Variants in CDH6 observed in about 807,000 individuals in gnomAD.
CDH6 encodes the protein cadherin 6.
A neutral mutation model predicts 78.0 loss-of-function variants in CDH6; 31 were observed. The ratio of observed to expected loss-of-function variants is 0.40; its 90% CI spans 0.30 to 0.54. CDH6 has a LOEUF of 0.54. Ranked by LOEUF, CDH6 falls within the 20% of genes least tolerant of loss-of-function variation. The pLI is 0.56. For synonymous variants in CDH6, 376 were observed against 368.8 expected (o/e 1.02, Z -0.23); for missense variants, 724 against 975.9 (o/e 0.74, Z 3.44).
intron 2 of CDH6, among the ~76,000 whole-genome samples, chr5:31,292,883 T>TATATA (rs1737448014): frequency 7.1e-6 from 1 of 141,084 alleles, no homozygotes; most frequent in African/African-American, 2.8e-5. Context: ...ATGTATGTGT[T>TATATA]TGTGTATATA....
rs1738033246 is a variant in CDH6 at position 31,307,973 on chromosome 5, A to T, written c.1253+2546A>T. On this transcript the variant is annotated intron_variant, in intron 7 of 11. Transcript: ENST00000265071. ...CCTTTCCTTGGTACATATGGATTTG[A>T]TACGTAGATATAGATTTAAGACTAG... Among the ~76,000 whole-genome samples, 6 of 152,278 alleles carry T rather than the reference A, an allele frequency of 3.9e-5. No homozygotes were observed. The South Asian group carries it at 1.0e-3, about 26-fold the overall frequency.
intron 1 of CDH6, among the ~76,000 whole-genome samples, chr5:31,231,139 A>C (rs1386725095): frequency 1.3e-5 from 2 of 152,170 alleles, no homozygotes; most frequent in African/African-American, 2.4e-5. Flanking sequence ...GCCTATAATG[A>C]TTTAGAGGCC....
At chr5:31,299,723 C>A in intron 5 of CDH6, 92 bp downstream of exon 5, 1 of 1,117,468 alleles carries the variant, frequency 8.9e-7, no homozygotes, top group Non-Finnish European at 1.3e-6. Context: ...TCATTATTGT[C>A]AAAGTTAGTG....
Position 31,313,301 on chromosome 5 carries a change from C to A in CDH6, c.1254-17C>A. The A allele has an allele frequency of 6.2e-7, 1 of 1,601,554 alleles. No individual in the cohort carries two copies. The highest frequency in any genetic ancestry group is 1.1e-5 in the South Asian group (1 of 90,220). On this transcript the variant is annotated splice_polypyrimidine_tract_variant and intron_variant, in intron 7 of 11. Coordinates refer to ENST00000265071, the MANE Select transcript of CDH6 (RefSeq NM_004932.4). ...ATAGAAAGAAAAGCCTTTCTTAATT[C>A]CACTCTGCATTTTCAGGTACTCTGT... is the stretch of plus-strand genomic sequence containing the variant.
chr5:31,312,153 T>C (rs1364500015), intron 7 of CDH6, among the ~76,000 whole-genome samples: 1 of 152,178 alleles, frequency 6.6e-6, no homozygotes, highest in Non-Finnish European at 1.5e-5. Flanking sequence ...GGACATTGTT[T>C]TCTTAGACAG....
intron 11 of CDH6, chr5:31,318,937 C>G (rs80232514): frequency 9.0e-6 from 2 of 222,410 alleles, no homozygotes; most frequent in East Asian, 6.5e-5. Flanking sequence ...ATAACAGAAG[C>G]CTTGAAACTC....
Position 31,323,973 on chromosome 5 carries a change from T to C in CDH6, c.*665T>C, listed in dbSNP as rs1738549431. On this transcript the variant is annotated 3_prime_UTR_variant, in exon 12 of 12. Coordinates refer to ENST00000265071, the MANE Select transcript of CDH6 (RefSeq NM_004932.4). ...CCTAGTACGACTTCATTCCTTCCAC[T>C]AACTCATAGTTTGTTATATCCTAGA... 1 of 227,780 alleles carries C rather than the reference T, an allele frequency of 4.4e-6. No individual in the cohort carries two copies. The highest frequency in any genetic ancestry group is 2.2e-5 in the African/African-American group (1 of 45,112). 14.1% of individuals were successfully genotyped at this position (227,780 alleles called of 1,614,324 possible).
intron 1 of CDH6, among the ~76,000 whole-genome samples, chr5:31,264,295 TAAC>T (rs1298872600): frequency 6.6e-6 from 1 of 152,222 alleles, no homozygotes; most frequent in Non-Finnish European, 1.5e-5. Flanking sequence ...CAAATGAGAA[TAAC>T]AACAATAATT....
intron 1 of CDH6, among the ~76,000 whole-genome samples, chr5:31,205,441 T>C (rs1435562627): frequency 6.6e-6 from 1 of 152,194 alleles, no homozygotes; most frequent in African/African-American, 2.4e-5. Context: ...GGCAGGCGTT[T>C]TATTAAGGTT....
chr5:31,234,096 TTGAC>T (rs1464189294), intron 1 of CDH6, among the ~76,000 whole-genome samples: 2 of 152,376 alleles, frequency 1.3e-5, no homozygotes, highest in South Asian at 2.1e-4. Flanking sequence ...TCTTAATACT[TTGAC>T]TAAGTATCAA....
chr5:31,196,922 G>C (rs1026586865), intron 1 of CDH6, among the ~76,000 whole-genome samples: 1 of 151,758 alleles, frequency 6.6e-6, no homozygotes, highest in African/African-American at 2.4e-5. Flanking sequence ...ATTATATTTA[G>C]AACTCCAAAA....
Position 31,323,601 on chromosome 5 carries a change from G to A in CDH6, c.*293G>A, listed in dbSNP as rs182517649. On this transcript the variant is annotated 3_prime_UTR_variant, in exon 12 of 12. Transcript: ENST00000265071. ...CACTTGTTCTCAGGGCAGCGTGCCCGCTTCCGCTGTCCTGGTGTTTTACTA... is the reference window on the plus strand; with the variant it reads ...CACTTGTTCTCAGGGCAGCGTGCCCACTTCCGCTGTCCTGGTGTTTTACTA... The A allele has an allele frequency of 3.7e-5, 14 of 380,586 alleles. No homozygotes were observed. The East Asian group carries it at 4.5e-4, about 12-fold the overall frequency. 23.6% of individuals were successfully genotyped at this position (380,586 alleles called of 1,614,324 possible).
chr5:31,272,569 C>T (rs1462796192), intron 2 of CDH6, among the ~76,000 whole-genome samples: 1 of 152,166 alleles, frequency 6.6e-6, no homozygotes, highest in African/African-American at 2.4e-5. Flanking sequence ...ATTTTGAAGA[C>T]ATAGGCATTC....
chr5:31,291,698 AAT>A (rs2149946053), intron 2 of CDH6, among the ~76,000 whole-genome samples: 1 of 152,318 alleles, frequency 6.6e-6, no homozygotes, highest in Non-Finnish European at 1.5e-5. Flanking sequence ...GGGTTAATGA[AAT>A]AGCTTTTTAA....
chr5:31,200,844 A>G (rs1012325629), intron 1 of CDH6, among the ~76,000 whole-genome samples: 3 of 152,136 alleles, frequency 2.0e-5, no homozygotes, highest in African/African-American at 7.2e-5. Flanking sequence ...TCAAAAAGTC[A>G]TGTAGTTAAT....
intron 6 of CDH6, among the ~76,000 whole-genome samples, chr5:31,302,912 A>AAAGAAAG (rs1491468972): frequency 6.3e-4 from 67 of 106,786 alleles, no homozygotes; most frequent in African/African-American, 1.9e-3. Context: ...AAAAAGAAAG[A>AAAGAAAG]AAGAAAGAAA....
chr5:31,295,595 T>C lies in CDH6; in HGVS notation c.523+1339T>C, dbSNP rs1023370983. 5.3e-5 allele frequency among the ~76,000 whole-genome samples: 8 copies of C among 152,318 alleles called. No homozygotes were observed. In the South Asian group the frequency reaches 6.2e-4, roughly 12 times the overall value. ...TTATGGTGACATTGATCATCCTTAA[T>C]TGATATCTCATTATTGTGATTATAG... On this transcript the variant is annotated intron_variant, in intron 3 of 11. Coordinates refer to ENST00000265071, the MANE Select transcript of CDH6 (RefSeq NM_004932.4).
intron 1 of CDH6, chr5:31,249,075 A>C (rs938947822): frequency 2.6e-5 from 4 of 152,218 alleles, no homozygotes; most frequent in Non-Finnish European, 5.9e-5. Context: ...GCTAGATCTA[A>C]TCATTCCACA....
At chr5:31,194,563 T>G (rs939571273) in intron 1 of CDH6, among the ~76,000 whole-genome samples, 12 of 152,086 alleles carry the variant, frequency 7.9e-5, no homozygotes, top group Non-Finnish European at 1.6e-4. Context: ...ATGCTTAGGT[T>G]GCAAGGAAAG....
Sources: gnomAD v4.1 joint callset for allele counts (sites outside exome capture counted in the v4.1 genomes callset) on GRCh38, gnomAD v4.1.1 for gene constraint, MANE v1.5 for transcripts, NCBI Gene and HGNC (gene_info 2026-07-23, HGNC 2026-07-21) for gene names.